ADCY2: variants seen among roughly 807,000 people sequenced by gnomAD.
The protein encoded by ADCY2 is adenylate cyclase 2.
Under a neutral mutation model 125.2 loss-of-function variants are expected in ADCY2, and 31 were observed. That is an observed-to-expected ratio of 0.25 (90% confidence interval 0.19 to 0.33). ADCY2 has a LOEUF of 0.33. Among genes scored for constraint, ADCY2 ranks in the 10% least tolerant of loss-of-function variants. The pLI is 1.00. For missense variants in ADCY2, 904 were observed against 1,418.2 expected, an observed-to-expected ratio of 0.64 and a Z score of 5.82; for synonymous variants, 512 against 548.4, an observed-to-expected ratio of 0.93 and a Z score of 0.93.
chr5:7,443,880 C>A (rs1741117809), intron 2 of ADCY2, among the ~76,000 whole-genome samples: 1 of 151,722 alleles, frequency 6.6e-6, no homozygotes, highest in Non-Finnish European at 1.5e-5. Context: ...GTGATTCTCC[C>A]TGATATATAG....
At chr5:7,731,066 C>T (rs1742087972) in intron 14 of ADCY2, among the ~76,000 whole-genome samples, 1 of 151,618 alleles carries the variant, frequency 6.6e-6, no homozygotes, top group Admixed American at 6.6e-5. Flanking sequence ...TTTCATGTTT[C>T]CTGCCAGTTT....
chr5:7,451,223 C>A (rs1378348641), intron 2 of ADCY2, among the ~76,000 whole-genome samples: 1 of 152,170 alleles, frequency 6.6e-6, no homozygotes, highest in Admixed American at 6.5e-5. Flanking sequence ...AATTGAAAAT[C>A]TTCTGGAAAC....
At chr5:7,480,753 A>G (rs2126472159) in intron 2 of ADCY2, among the ~76,000 whole-genome samples, 1 of 152,310 alleles carries the variant, frequency 6.6e-6, no homozygotes, top group South Asian at 2.1e-4. Flanking sequence ...TGAACTTAAA[A>G]TAAAAGTTGA....
chr5:7,672,274 A>C (rs550943872), intron 4 of ADCY2, among the ~76,000 whole-genome samples: 1 of 152,348 alleles, frequency 6.6e-6, no homozygotes, highest in South Asian at 2.1e-4. Context: ...AATTATGGAG[A>C]TAATAGTAAA....
intron 4 of ADCY2, among the ~76,000 whole-genome samples, chr5:7,688,224 C>G (rs1740587361): frequency 6.6e-6 from 1 of 151,890 alleles, no homozygotes; most frequent in Non-Finnish European, 1.5e-5. Context: ...AGGGACTCCT[C>G]TGTTCATGTC....
At chr5:7,750,477 A>G (rs1241600774) in intron 15 of ADCY2, among the ~76,000 whole-genome samples, 1 of 152,164 alleles carries the variant, frequency 6.6e-6, no homozygotes, top group Non-Finnish European at 1.5e-5. Context: ...TTGTTAAACA[A>G]TGTATTTGTT....
At position 7,695,821 on chromosome 5, in the gene ADCY2, C is replaced by T. The variant is rs1740872429; in HGVS notation, c.939C>T (p.His313=). The T allele has an allele frequency of 1.2e-6, 2 of 1,612,850 alleles. No homozygotes were observed. Among genetic ancestry groups the T allele is most frequent in the Non-Finnish European group, 1.7e-6 (2 of 1,179,318 alleles). Residue 313 remains histidine (H), a synonymous_variant, in exon 6 of 25, where the codon CAC becomes CAT. Coordinates refer to ENST00000338316, the MANE Select transcript of ADCY2 (RefSeq NM_020546.3). ...ACTGCTCCCCGGGAGAACTAGTCCA[C>T]ATGCTGAATGAGCTCTTTGGAAAGT... ...ASDCSPGELV[H]MLNELFGKFD...
intron 3 of ADCY2, among the ~76,000 whole-genome samples, chr5:7,587,116 C>T (rs188164358): frequency 6.8e-6 from 1 of 147,216 alleles, no homozygotes; most frequent in African/African-American, 2.4e-5. Flanking sequence ...GGAGTCAGGT[C>T]CAAACCCTTT....
intron 2 of ADCY2, among the ~76,000 whole-genome samples, chr5:7,433,803 C>T (rs995100791): frequency 6.6e-6 from 1 of 151,732 alleles, no homozygotes; most frequent in East Asian, 1.9e-4. Flanking sequence ...ATTAAAACAG[C>T]GAGAACAGGA....
chr5:7,596,892 T>G (rs963404067), intron 3 of ADCY2, among the ~76,000 whole-genome samples: 1 of 152,180 alleles, frequency 6.6e-6, no homozygotes, highest in South Asian at 2.1e-4. Context: ...TAGTCCTCAT[T>G]TCACTTCAAA....
At chr5:7,790,543 C>T (rs2126505991) in intron 20 of ADCY2, among the ~76,000 whole-genome samples, 1 of 152,314 alleles carries the variant, frequency 6.6e-6, no homozygotes, top group South Asian at 2.1e-4. Flanking sequence ...ACGTGAGAAA[C>T]ATGTATCTGA....
intron 17 of ADCY2, 43 bp from the exon 18 acceptor site, chr5:7,772,889 G>A: frequency 6.3e-7 from 1 of 1,588,560 alleles, no homozygotes; most frequent in Non-Finnish European, 8.6e-7. Context: ...GCATTTCTCA[G>A]AAGAGATCCT....
At chr5:7,785,923 T>C (rs2126499982) in intron 19 of ADCY2, among the ~76,000 whole-genome samples, 1 of 152,360 alleles carries the variant, frequency 6.6e-6, no homozygotes, top group Middle Eastern at 3.4e-3. Context: ...TTAAGTCCAA[T>C]GGCTGACAGT....
At chr5:7,487,447 A>G (rs542964771) in intron 2 of ADCY2, among the ~76,000 whole-genome samples, 3 of 152,186 alleles carry the variant, frequency 2.0e-5, no homozygotes, top group Non-Finnish European at 4.4e-5. Context: ...GTCTTTGGTT[A>G]TCATTTGTTA....
At chr5:7,532,467 T>G (rs1345182441) in intron 3 of ADCY2, among the ~76,000 whole-genome samples, 1 of 152,234 alleles carries the variant, frequency 6.6e-6, no homozygotes, top group Non-Finnish European at 1.5e-5. Context: ...TCCAACTGCT[T>G]TGCCTTGTTC....
Position 7,574,034 on chromosome 5 carries a change from G to C in ADCY2, c.571-52133G>C, listed in dbSNP as rs377063826. Among the ~76,000 whole-genome samples the C allele has an allele frequency of 2.5e-3, 304 of 119,856 alleles. 4 individuals carry two copies. The highest frequency in any genetic ancestry group is 8.6e-3 in the African/African-American group (288 of 33,560). The allele number at this position is 119,856 out of a possible 152,430, so 78.6% of individuals were successfully genotyped here. A position where few individuals can be genotyped will look rare whatever the true frequency, so the allele number is the denominator to read the frequency against. Reference sequence around the variant, plus strand: ...TGTTTGGTTTTTTGTTCTTGCGATAGTTTACTGAGAATGATGATTTCCAAT... The same window carrying C: ...TGTTTGGTTTTTTGTTCTTGCGATACTTTACTGAGAATGATGATTTCCAAT... On this transcript the variant is annotated intron_variant, in intron 3 of 24. Coordinates refer to ENST00000338316, the MANE Select transcript of ADCY2 (RefSeq NM_020546.3).
At chr5:7,541,356 G>T in intron 3 of ADCY2, among the ~76,000 whole-genome samples, 1 of 152,192 alleles carries the variant, frequency 6.6e-6, no homozygotes, top group East Asian at 1.9e-4. Context: ...ATATTCACCA[G>T]AATACACATC....
chr5:7,589,511 A>AAAGAAAGAAAG (rs757777978), intron 3 of ADCY2, among the ~76,000 whole-genome samples: 2,523 of 109,600 alleles, frequency 0.023, 45 homozygotes, highest in Non-Finnish European at 0.033. Flanking sequence ...AGAAAGAAAG[A>AAAGAAAGAAAG]AAAGAAAAGA....
At chr5:7,775,966 C>G (rs1438351983) in intron 18 of ADCY2, among the ~76,000 whole-genome samples, 1 of 152,066 alleles carries the variant, frequency 6.6e-6, no homozygotes, top group Non-Finnish European at 1.5e-5. Context: ...ACATGGGAGA[C>G]CCTTAAGAGT....
Sources: gnomAD v4.1 joint callset for allele counts (sites outside exome capture counted in the v4.1 genomes callset) on GRCh38, gnomAD v4.1.1 for gene constraint, MANE v1.5 for transcripts, NCBI Gene and HGNC (gene_info 2026-07-23, HGNC 2026-07-21) for gene names.